CACNA2D1: variants seen among roughly 807,000 people sequenced by gnomAD.
The protein encoded by CACNA2D1 is voltage-dependent calcium channel subunit alpha-2/delta-1.
In CACNA2D1, 53 loss-of-function variants were observed where a neutral mutation model predicts 171.5. The observed-to-expected ratio is 0.31, with a 90% CI of 0.25 to 0.39. CACNA2D1 has a LOEUF of 0.39. Among genes scored for constraint, CACNA2D1 ranks in the 10% least tolerant of loss-of-function variants. The pLI is 1.00. For missense variants in CACNA2D1, 903 were observed against 1,299.8 expected (o/e 0.69, Z 4.69); for synonymous variants, 442 against 443.1 (o/e 1.00, Z 0.03).
chr7:82,005,217 C>T, intron 18 of CACNA2D1: 1 of 527,182 alleles, frequency 1.9e-6, no homozygotes, highest in Non-Finnish European at 3.4e-6. Flanking sequence ...AATGTTGCAG[C>T]TAAATTGGTA....
At chr7:82,404,383 C>G (rs1826789296) in intron 1 of CACNA2D1, among the ~76,000 whole-genome samples, 1 of 152,148 alleles carries the variant, frequency 6.6e-6, no homozygotes, top group Admixed American at 6.5e-5. Context: ...TAGATGAACC[C>G]TTTCTTTCCG....
chr7:82,106,322 C>T (rs1375097816), intron 6 of CACNA2D1, among the ~76,000 whole-genome samples: 2 of 151,848 alleles, frequency 1.3e-5, no homozygotes, highest in African/African-American at 2.4e-5. Flanking sequence ...TTTTAATTTG[C>T]TGTGAACAGT....
intron 3 of CACNA2D1, among the ~76,000 whole-genome samples, chr7:82,262,084 C>A (rs1433238441): frequency 6.6e-6 from 1 of 152,200 alleles, no homozygotes; most frequent in Non-Finnish European, 1.5e-5. Context: ...GTAATCCCAG[C>A]ACTTTGGGAG....
At chr7:82,373,805 T>C (rs962868799) in intron 1 of CACNA2D1, among the ~76,000 whole-genome samples, 1 of 152,242 alleles carries the variant, frequency 6.6e-6, no homozygotes, top group Non-Finnish European at 1.5e-5. Context: ...AGAATAAATC[T>C]ATGCATTAGT....
At chr7:82,055,057 T>A (rs567529521) in intron 10 of CACNA2D1, among the ~76,000 whole-genome samples, 10 of 152,330 alleles carry the variant, frequency 6.6e-5, no homozygotes, top group South Asian at 2.1e-4. Context: ...CAGCATGTGC[T>A]AGAAATTTGG....
In CACNA2D1 at chr7:82,326,729, T is replaced by C. The variant is rs189897057; in HGVS notation, c.294+8406A>G. Among the ~76,000 whole-genome samples, 392 of 141,094 alleles carry C rather than the reference T, an allele frequency of 2.8e-3. 34 individuals carry two copies. Among genetic ancestry groups the C allele is most frequent in the African/African-American group, 8.9e-3 (356 of 39,858 alleles). The allele number at this position is 141,094 out of a possible 152,430, so 92.6% of individuals were successfully genotyped here. On this transcript the variant is annotated intron_variant, in intron 3 of 38. Transcript: ENST00000356860. ...CTGTCCCTTACCACAACTTCTTGTT[T>C]CTCCACTGTTCCTTACAAACTTACA... is the stretch of plus-strand genomic sequence containing the variant.
At position 81,982,571 on chromosome 7, in the gene CACNA2D1, G is replaced by T. The variant is rs774376615; in HGVS notation, c.1951C>A (p.Pro651Thr). Residue 651 changes from proline to threonine, a missense_variant, in exon 24 of 39, where the codon CCA becomes ACA. Pro to Thr is a conservative substitution (Grantham distance 38, BLOSUM62 -1). Around this residue, in one of 5 missense-constraint regions of CACNA2D1, gnomAD observed 623 missense variants for 925.5 expected, o/e 0.67. Transcript: ENST00000356860. Reference sequence around the variant, plus strand: ...CAAAAATACAACAAAACCAACCTTGGTGCTATGAATGTATAGCCAGATTCT... The same window carrying T: ...CAAAAATACAACAAAACCAACCTTGTTGCTATGAATGTATAGCCAGATTCT... The part of the protein sequence containing the change: ...FEESGYTFIA[P>T]RDYCNDLKIS... 6.9e-6 allele frequency: 11 copies of T among 1,594,242 alleles called. No individual in the cohort carries two copies. The highest frequency in any genetic ancestry group is 9.5e-6 in the Non-Finnish European group (11 of 1,162,296).
At chr7:82,393,051 A>AAGGAAGGAAGGG (rs1825327969) in intron 1 of CACNA2D1, among the ~76,000 whole-genome samples, 1 of 105,626 alleles carries the variant, frequency 9.5e-6, no homozygotes. Context: ...GGAAGGAAGG[A>AAGGAAGGAAGGG]AGGAAGGAAG....
At chr7:82,006,828 A>C (rs1193148863) in intron 16 of CACNA2D1, among the ~76,000 whole-genome samples, 1 of 152,152 alleles carries the variant, frequency 6.6e-6, no homozygotes, top group Non-Finnish European at 1.5e-5. Context: ...TGGCCACCTT[A>C]TTAACATAAG....
chr7:82,287,576 G>C (rs1479862727), intron 3 of CACNA2D1, among the ~76,000 whole-genome samples: 1 of 152,134 alleles, frequency 6.6e-6, no homozygotes, highest in Non-Finnish European at 1.5e-5. Flanking sequence ...ATCAAATTCA[G>C]AGCTCCCAGG....
chr7:81,996,366 T>C (rs985082506), intron 19 of CACNA2D1, among the ~76,000 whole-genome samples: 1 of 151,982 alleles, frequency 6.6e-6, no homozygotes, highest in African/African-American at 2.4e-5. Flanking sequence ...TAATAAATCA[T>C]TAAATTCTAT....
chr7:81,987,676 T>A (rs1797111758), intron 21 of CACNA2D1, among the ~76,000 whole-genome samples: 1 of 152,158 alleles, frequency 6.6e-6, no homozygotes, highest in Non-Finnish European at 1.5e-5. Context: ...TCTTTGTGAA[T>A]TTGTACAGTG....
chr7:81,955,764 T>C (rs1483723344), intron 38 of CACNA2D1, among the ~76,000 whole-genome samples: 1 of 151,642 alleles, frequency 6.6e-6, no homozygotes, highest in East Asian at 1.9e-4. Context: ...AATTTATTAT[T>C]TTATGCAAAC....
At position 81,950,385 on chromosome 7, in the gene CACNA2D1, T is replaced by C. The variant is rs2129929679; in HGVS notation, c.*7A>G. Reference sequence around the variant, plus strand: ...AGTTTAACTATGCAGATTTGGTTTTTAGAAGGTCATAACAGGCGGTGTGTG... The same window carrying C: ...AGTTTAACTATGCAGATTTGGTTTTCAGAAGGTCATAACAGGCGGTGTGTG... On this transcript the variant is annotated 3_prime_UTR_variant, in exon 39 of 39. Coordinates refer to ENST00000356860, the MANE Select transcript of CACNA2D1 (RefSeq NM_000722.4). The C allele has an allele frequency of 6.2e-7, 1 of 1,613,174 alleles. No individual in the cohort carries two copies. The highest frequency in any genetic ancestry group is 8.5e-7 in the Non-Finnish European group (1 of 1,179,434).
At chr7:82,362,514 T>G (rs1357577506) in intron 1 of CACNA2D1, among the ~76,000 whole-genome samples, 1 of 152,076 alleles carries the variant, frequency 6.6e-6, no homozygotes, top group Non-Finnish European at 1.5e-5. Context: ...GCACATGCAA[T>G]CCATTAGAAT....
chr7:82,402,257 T>G (rs1328188450), intron 1 of CACNA2D1, among the ~76,000 whole-genome samples: 1 of 152,198 alleles, frequency 6.6e-6, no homozygotes, highest in African/African-American at 2.4e-5. Context: ...TATCAGCAGA[T>G]AGTAGCAATT....
chr7:82,267,853 C>A (rs182623717), intron 3 of CACNA2D1, among the ~76,000 whole-genome samples: 1 of 151,972 alleles, frequency 6.6e-6, no homozygotes, highest in Non-Finnish European at 1.5e-5. Flanking sequence ...AGAAATTAGC[C>A]GGGCGTGGTG....
intron 3 of CACNA2D1, among the ~76,000 whole-genome samples, chr7:82,223,064 C>A (rs1159941704): frequency 6.6e-6 from 1 of 151,838 alleles, no homozygotes; most frequent in African/African-American, 2.4e-5. Flanking sequence ...TCACCACACC[C>A]AGCTAATTTT....
In CACNA2D1 at chr7:82,232,819, G is replaced by A. The variant is rs143820424; in HGVS notation, c.295-62210C>T. Among the ~76,000 whole-genome samples, 45 of 125,160 alleles carry A rather than the reference G, an allele frequency of 3.6e-4. 2 individuals carry two copies. The East Asian group carries it at 0.011, about 31-fold the overall frequency. The allele number at this position is 125,160 out of a possible 152,430, so 82.1% of individuals were successfully genotyped here. On this transcript the variant is annotated intron_variant, in intron 3 of 38. Transcript: ENST00000356860. ...GCAGAGGTTGCAGTGAGCTGAGACC[G>A]CGCCATTGCACTCCAGCCTGGGCAA...
Sources: gnomAD v4.1 joint callset for allele counts (sites outside exome capture counted in the v4.1 genomes callset) on GRCh38, gnomAD v4.1.1 for gene constraint, gnomAD v4.1.1 regional missense constraint, MANE v1.5 for transcripts, NCBI Gene and HGNC (gene_info 2026-07-23, HGNC 2026-07-21) for gene names.